NCOR1: variants seen among roughly 807,000 people sequenced by gnomAD.
NCOR1 encodes nuclear receptor corepressor 1.
A neutral mutation model predicts 288.1 loss-of-function variants in NCOR1; 63 were observed. That is an observed-to-expected ratio of 0.22 (90% CI 0.18 to 0.27). The LOEUF is 0.27. Ranked by LOEUF, NCOR1 falls within the 10% of genes least tolerant of loss-of-function variation. The pLI is 1.00. For missense variants in NCOR1, 2,397 were observed against 3,019.2 expected (o/e 0.79, Z 4.83); for synonymous variants, 1,007 against 1,065.9 (o/e 0.94, Z 1.08).
At chr17:16,080,277 T>C (rs2063199279) in intron 25 of NCOR1, 131 bp downstream of exon 25, 10 of 925,396 alleles carry the variant, frequency 1.1e-5, no homozygotes, top group Non-Finnish European at 1.6e-5. Context: ...GACTTTTACA[T>C]GGAAAGAAAA....
intron 6 of NCOR1, among the ~76,000 whole-genome samples, chr17:16,154,066 G>A (rs1461956124): frequency 3.3e-5 from 4 of 122,564 alleles, no homozygotes; most frequent in Middle Eastern, 5.6e-3. Context: ...TCACTCTGTC[G>A]CCCAGGCTGG....
At position 16,127,187 on chromosome 17, in the gene NCOR1, A is replaced by G. The variant is rs544849749; in HGVS notation, c.1510-981T>C. Among the ~76,000 whole-genome samples the G allele has an allele frequency of 4.1e-5, 6 of 146,330 alleles. 2 individuals are homozygous for G. The South Asian group carries it at 1.0e-3, about 26-fold the overall frequency. ...TATATACATGTATGTATATATCTGT[A>G]TGTATATATACATGTATGTATATAT... On this transcript the variant is annotated intron_variant, in intron 14 of 45. Transcript: ENST00000268712.
Position 16,126,177 on chromosome 17 carries a change from T to C in NCOR1, c.1539A>G (p.Lys513=). 1.3e-6 allele frequency: 2 copies of C among 1,557,024 alleles called. No individual in the cohort carries two copies. Among genetic ancestry groups the C allele is most frequent in the Non-Finnish European group, 1.7e-6 (2 of 1,157,870 alleles). Residue 513 remains lysine (K), a synonymous_variant, in exon 15 of 46, where the codon AAA becomes AAG. Coordinates refer to ENST00000268712, the MANE Select transcript of NCOR1 (RefSeq NM_006311.4). ...CTTTATCCTCTTCTTTTTCTTCTAC[T>C]TTTTCTTCTTGCGAGGGTCGAGCAA... is the stretch of plus-strand genomic sequence containing the variant. ...QQIARPSQEE[K]VEEKEEDKAE...
intron 13 of NCOR1, 48 bp from the exon 14 acceptor site, chr17:16,137,460 A>C (rs752790154): frequency 2.0e-6 from 2 of 1,020,286 alleles, no homozygotes; most frequent in African/African-American, 1.7e-5. Context: ...GAAATAAAGA[A>C]ATTTTTTAAT....
At chr17:16,153,315 C>A in intron 7 of NCOR1, 24 bp downstream of exon 7, 1 of 1,522,762 alleles carries the variant, frequency 6.6e-7, no homozygotes, top group Non-Finnish European at 8.9e-7. Context: ...AAAAAAATCA[C>A]TGGAAATGAA....
intron 21 of NCOR1, among the ~76,000 whole-genome samples, chr17:16,096,474 G>A (rs2066639977): frequency 6.6e-6 from 1 of 152,132 alleles, no homozygotes; most frequent in African/African-American, 2.4e-5. Context: ...GTATACTGGA[G>A]TTAGCCATAA....
At chr17:16,080,818 T>C in intron 23 of NCOR1, 91 bp from the exon 24 acceptor site, 4 of 1,254,002 alleles carry the variant, frequency 3.2e-6, no homozygotes, top group East Asian at 2.6e-5. Flanking sequence ...CCCATTTCTG[T>C]TTAAAAAAAA....
At chr17:16,140,545 G>T (rs1327826534) in intron 11 of NCOR1, among the ~76,000 whole-genome samples, 13 of 152,138 alleles carry the variant, frequency 8.5e-5, no homozygotes, top group Admixed American at 8.5e-4. Flanking sequence ...TGGGTGGGGT[G>T]GCTCACACCT....
chr17:16,178,156 T>C (rs147755390), intron 3 of NCOR1, among the ~76,000 whole-genome samples: 12 of 151,774 alleles, frequency 7.9e-5, no homozygotes, highest in African/African-American at 2.4e-4. Flanking sequence ...TGAGCCAAGA[T>C]TGCGCCACTG....
intron 14 of NCOR1, among the ~76,000 whole-genome samples, chr17:16,129,517 G>C (rs1390151551): frequency 6.6e-6 from 1 of 152,152 alleles, no homozygotes; most frequent in Non-Finnish European, 1.5e-5. Context: ...ATAAACTAGG[G>C]AGATTTTAAA....
In NCOR1 at chr17:16,080,399, A is replaced by G. The variant is rs766835741; in HGVS notation, c.3400+9T>C. 29 of 1,601,484 alleles carry G rather than the reference A, an allele frequency of 1.8e-5. No individual in the cohort carries two copies. The highest frequency in any genetic ancestry group is 1.7e-4 in the Middle Eastern group (1 of 6,010). ...AAGTTTAACATTTCTGCCAACCAGC[A>G]TATTTTACCTCTGACTACACCTTCA... On this transcript the variant is annotated intron_variant, in intron 25 of 45. Transcript: ENST00000268712.
intron 26 of NCOR1, among the ~76,000 whole-genome samples, chr17:16,079,114 C>T (rs1458353230): frequency 6.6e-6 from 1 of 152,146 alleles, no homozygotes; most frequent in South Asian, 2.1e-4. Flanking sequence ...AAAGCCCTAG[C>T]TGAATCAGCT....
At chr17:16,048,245 G>C (rs576170729) in intron 41 of NCOR1, among the ~76,000 whole-genome samples, 1 of 152,352 alleles carries the variant, frequency 6.6e-6, no homozygotes, top group South Asian at 2.1e-4. Flanking sequence ...GATTTGGACA[G>C]AGATTCCAGT....
rs1266259362 is a variant in NCOR1, at chr17:16,068,106, T to G, written c.4529A>C (p.Asn1510Thr). ...TTTCCTTTCATGATTGGTAGACTTG[T>G]TAGAAGAAATTGTAACTGGAAAAAA... ...NRTSDVTISS[N>T]KSTNHERKST... The change falls in exon 32 of 46, where the codon AAC becomes ACC. Residue 1510 changes from asparagine (N) to threonine (T), a missense_variant. Coordinates refer to ENST00000268712, the MANE Select transcript of NCOR1 (RefSeq NM_006311.4). 2 of 1,610,148 alleles carry G rather than the reference T, an allele frequency of 1.2e-6. No homozygotes were observed. Among genetic ancestry groups the G allele is most frequent in the Admixed American group, 1.7e-5 (1 of 59,562 alleles).
chr17:16,112,084 T>C (rs575402292), intron 18 of NCOR1, among the ~76,000 whole-genome samples: 1 of 152,248 alleles, frequency 6.6e-6, no homozygotes, highest in Admixed American at 6.5e-5. Flanking sequence ...TTAGCCAGGA[T>C]GGTCTCAATC....
At chr17:16,052,758 T>A (rs922477745) in intron 40 of NCOR1, among the ~76,000 whole-genome samples, 4 of 152,204 alleles carry the variant, frequency 2.6e-5, no homozygotes, top group Non-Finnish European at 4.4e-5. Context: ...GAGGCCAGCA[T>A]CATCCTGATA....
At chr17:16,052,769 C>T (rs955198751) in intron 40 of NCOR1, among the ~76,000 whole-genome samples, 5 of 152,142 alleles carry the variant, frequency 3.3e-5, no homozygotes, top group African/African-American at 1.2e-4. Flanking sequence ...CATCCTGATA[C>T]CAAAACTTGG....
At position 16,131,460 on chromosome 17, in the gene NCOR1, C is replaced by T. The variant is rs188623014; in HGVS notation, c.1510-5254G>A. Among the ~76,000 whole-genome samples, 168 of 152,126 alleles carry T rather than the reference C, an allele frequency of 1.1e-3. 3 individuals are homozygous for T. Among genetic ancestry groups the T allele is most frequent in the Middle Eastern group, 6.8e-3 (2 of 294 alleles). The stretch of plus-strand genomic sequence containing the variant: ...ATGAATATCTAACTATATATATGTG[C>T]TAATTATATTTGTTTTAAATGTTCA... On this transcript the variant is annotated intron_variant, in intron 14 of 45. Transcript: ENST00000268712.
At chr17:16,083,767 C>G (rs796707577) in intron 23 of NCOR1, among the ~76,000 whole-genome samples, 6 of 152,250 alleles carry the variant, frequency 3.9e-5, no homozygotes, top group African/African-American at 1.4e-4. Context: ...CTCTTCCCCA[C>G]AACCTTTGCC....
Sources: gnomAD v4.1 joint callset for allele counts (sites outside exome capture counted in the v4.1 genomes callset) on GRCh38, gnomAD v4.1.1 for gene constraint, MANE v1.5 for transcripts, NCBI Gene and HGNC (gene_info 2026-07-23, HGNC 2026-07-21) for gene names.